WWOX: variants seen among roughly 807,000 people sequenced by gnomAD.
WWOX encodes the protein WW domain-containing oxidoreductase.
In WWOX, 69 loss-of-function variants were observed where a neutral mutation model predicts 46.2. The observed-to-expected ratio is 1.49, with a 90% CI of 1.23 to 1.82. The LOEUF (loss-of-function observed/expected upper bound fraction) is 1.82. Ranked by LOEUF, WWOX falls within the 40% of genes most tolerant of loss-of-function variation. The probability of loss-of-function intolerance (pLI) is 0.00; values close to 1 mark genes in which losing one functional copy is unlikely to be tolerated. For synonymous variants in WWOX, 359 were observed against 202.6 expected (o/e 1.77, Z -6.56); for missense variants, 919 against 542.6 (o/e 1.69, Z -6.89).
chr16:78,808,511 T>C (rs1197700703), intron 8 of WWOX, among the ~76,000 whole-genome samples: 4 of 152,208 alleles, frequency 2.6e-5, no homozygotes, highest in Admixed American at 6.5e-5. Flanking sequence ...TTACTAAAAA[T>C]GTGGACCTTT....
At chr16:78,431,928 C>T (rs1422075158) in intron 7 of WWOX, among the ~76,000 whole-genome samples, 3 of 152,092 alleles carry the variant, frequency 2.0e-5, no homozygotes, top group Non-Finnish European at 4.4e-5. Flanking sequence ...GTTGCCTAAG[C>T]TGGTCTTGAA....
intron 8 of WWOX, among the ~76,000 whole-genome samples, chr16:79,149,335 A>G (rs922595356): frequency 2.3e-4 from 35 of 152,150 alleles, no homozygotes; most frequent in Admixed American, 5.2e-4. Context: ...GGTGGACTAT[A>G]TTGATTTTAA....
chr16:78,886,194 G>C (rs34055377), intron 8 of WWOX, among the ~76,000 whole-genome samples: 1 of 151,008 alleles, frequency 6.6e-6, no homozygotes, highest in African/African-American at 2.4e-5. Flanking sequence ...CAAAGTGCTC[G>C]GATTACAGGC....
intron 2 of WWOX, among the ~76,000 whole-genome samples, chr16:78,108,740 C>A (rs149803970): frequency 3.9e-5 from 6 of 152,360 alleles, no homozygotes; most frequent in Non-Finnish European, 7.3e-5. Context: ...GTAATCCCAG[C>A]ACTTCGGGAG....
At chr16:78,219,837 G>A (rs988714197) in intron 5 of WWOX, among the ~76,000 whole-genome samples, 1 of 151,722 alleles carries the variant, frequency 6.6e-6, no homozygotes, top group Non-Finnish European at 1.5e-5. Context: ...CTGTTCTCTT[G>A]TTTTATCTTG....
chr16:79,189,515 G>T lies in WWOX; in HGVS notation c.1057-22093G>T, dbSNP rs144509985. Among the ~76,000 whole-genome samples, 933 of 149,948 alleles carry T rather than the reference G, an allele frequency of 6.2e-3. 13 individuals are homozygous for T. The highest frequency in any genetic ancestry group is 0.022 in the African/African-American group (885 of 40,762). Reference sequence around the variant, plus strand: ...AGGGTCTCACTGTGTTGGCCAGGCCGGTCTCAAACTCCTAGCTTCAAGCGA... The same window carrying T: ...AGGGTCTCACTGTGTTGGCCAGGCCTGTCTCAAACTCCTAGCTTCAAGCGA... On this transcript the variant is annotated intron_variant, in intron 8 of 8. Transcript: ENST00000566780.
intron 8 of WWOX, among the ~76,000 whole-genome samples, chr16:78,496,629 G>A (rs879271190): frequency 6.6e-6 from 1 of 152,204 alleles, no homozygotes; most frequent in Non-Finnish European, 1.5e-5. Flanking sequence ...AGATCTTGAA[G>A]GGAGGGATGC....
chr16:78,579,107 G>T (rs111520591), intron 8 of WWOX, among the ~76,000 whole-genome samples: 5 of 151,942 alleles, frequency 3.3e-5, no homozygotes, highest in African/African-American at 1.2e-4. Flanking sequence ...CTCGTCTTTG[G>T]CTGTGTTTTT....
At chr16:78,779,145 G>A (rs934728214) in intron 8 of WWOX, among the ~76,000 whole-genome samples, 1 of 152,102 alleles carries the variant, frequency 6.6e-6, no homozygotes, top group Non-Finnish European at 1.5e-5. Flanking sequence ...ACTCCAACTT[G>A]TCTTTTTTGT....
Position 78,779,158 on chromosome 16 carries a change from T to C in WWOX, c.1056+346406T>C, listed in dbSNP as rs557783315. 2.6e-4 allele frequency among the ~76,000 whole-genome samples: 39 copies of C among 152,268 alleles called. No individual in the cohort carries two copies. The East Asian group carries it at 7.2e-3, about 28-fold the overall frequency. ...TGACTCCAACTTGTCTTTTTTGTTGTTTGTTTTTGAGACAGGGTCTTTGTT... is the reference window on the plus strand; with the variant it reads ...TGACTCCAACTTGTCTTTTTTGTTGCTTGTTTTTGAGACAGGGTCTTTGTT... On this transcript the variant is annotated intron_variant, in intron 8 of 8. Transcript: ENST00000566780.
intron 8 of WWOX, among the ~76,000 whole-genome samples, chr16:78,735,124 C>T (rs573757881): frequency 1.1e-4 from 17 of 151,782 alleles, no homozygotes; most frequent in South Asian, 4.2e-4. Context: ...GCCTTGACGT[C>T]GCAAAGTGCT....
chr16:78,157,455 G>A (rs968283978), intron 4 of WWOX, among the ~76,000 whole-genome samples: 29 of 152,244 alleles, frequency 1.9e-4, no homozygotes, highest in Non-Finnish European at 3.4e-4. Flanking sequence ...GATTATTGTC[G>A]TCTTGCTTTA....
intron 8 of WWOX, among the ~76,000 whole-genome samples, chr16:78,702,454 C>T (rs1211127683): frequency 6.6e-6 from 1 of 151,302 alleles, no homozygotes; most frequent in Admixed American, 6.6e-5. Flanking sequence ...AGTTTGAGAC[C>T]AGCCTGGCCA....
intron 8 of WWOX, among the ~76,000 whole-genome samples, chr16:79,000,268 C>T (rs561282917): frequency 2.0e-5 from 3 of 152,178 alleles, no homozygotes; most frequent in Non-Finnish European, 4.4e-5. Flanking sequence ...TCCTTTAGAT[C>T]CCATCTCTGG....
At chr16:78,516,503 G>A (rs2043238494) in intron 8 of WWOX, among the ~76,000 whole-genome samples, 2 of 152,128 alleles carry the variant, frequency 1.3e-5, no homozygotes, top group Non-Finnish European at 2.9e-5. Context: ...TTAGAAAATT[G>A]ACATCATCTC....
chr16:78,875,343 C>T (rs1341524796), intron 8 of WWOX, among the ~76,000 whole-genome samples: 1 of 152,144 alleles, frequency 6.6e-6, no homozygotes, highest in African/African-American at 2.4e-5. Flanking sequence ...TGTAAGCCTT[C>T]TCTAGCTTTA....
chr16:78,156,340 C>G (rs1244888875), intron 4 of WWOX, among the ~76,000 whole-genome samples: 1 of 152,144 alleles, frequency 6.6e-6, no homozygotes, highest in African/African-American at 2.4e-5. Flanking sequence ...AAACGGCGTG[C>G]TTTTCCCCCA....
chr16:78,643,667 C>T (rs1018210275), intron 8 of WWOX, among the ~76,000 whole-genome samples: 1 of 151,968 alleles, frequency 6.6e-6, no homozygotes, highest in Non-Finnish European at 1.5e-5. Context: ...TAATAATGGC[C>T]CCGTTGTAAA....
chr16:79,179,668 AT>A (rs1291259137), intron 8 of WWOX, among the ~76,000 whole-genome samples: 5 of 152,188 alleles, frequency 3.3e-5, no homozygotes, highest in African/African-American at 1.2e-4. Flanking sequence ...CTGGAAATCT[AT>A]TACCTGATCT....
Sources: gnomAD v4.1 joint callset for allele counts (sites outside exome capture counted in the v4.1 genomes callset) on GRCh38, gnomAD v4.1.1 for gene constraint, MANE v1.5 for transcripts, NCBI Gene and HGNC (gene_info 2026-07-23, HGNC 2026-07-21) for gene names.